The following ARHGEF10 variants were observed in gnomAD, a reference collection of about 807,000 sequenced individuals.
ARHGEF10 encodes the protein Rho guanine nucleotide exchange factor (GEF) 10.
A neutral mutation model predicts 147.4 loss-of-function variants in ARHGEF10; 140 were observed. The ratio of observed to expected loss-of-function variants is 0.95; its 90% CI spans 0.83 to 1.09. The LOEUF is 1.09. ARHGEF10 is among the 50% of genes least tolerant of loss of function. ARHGEF10 has a pLI of 0.00. For missense variants in ARHGEF10, 2,222 were observed against 1,752.7 expected, an observed-to-expected ratio of 1.27 and a Z score of -4.78; for synonymous variants, 902 against 695.8, an observed-to-expected ratio of 1.30 and a Z score of -4.67.
chr8:1,882,802 C>A, intron 10 of ARHGEF10, 53 bp downstream of exon 10: 1 of 1,130,150 alleles, frequency 8.8e-7, no homozygotes, highest in Non-Finnish European at 1.3e-6. Flanking sequence ...GGGGGGGCGG[C>A]CACATCTTGT....
At chr8:1,940,065 G>C (rs768795963) in intron 26 of ARHGEF10, among the ~76,000 whole-genome samples, 6 of 152,258 alleles carry the variant, frequency 3.9e-5, no homozygotes, top group East Asian at 3.9e-4. Context: ...GGTTGCGCTG[G>C]GTTAAAAACT....
intron 2 of ARHGEF10, among the ~76,000 whole-genome samples, chr8:1,845,422 A>G (rs952450635): frequency 6.6e-6 from 1 of 152,174 alleles, no homozygotes; most frequent in Non-Finnish European, 1.5e-5. Context: ...TCCTTCCCAC[A>G]CACATGTAAG....
intron 2 of ARHGEF10, among the ~76,000 whole-genome samples, chr8:1,846,412 G>A (rs982446112): frequency 6.6e-6 from 1 of 152,254 alleles, no homozygotes; most frequent in South Asian, 2.1e-4. Flanking sequence ...TAAGTCAACC[G>A]TCCACTTAAA....
chr8:1,902,166 C>A (rs1194259122), intron 15 of ARHGEF10, among the ~76,000 whole-genome samples: 2 of 152,012 alleles, frequency 1.3e-5, no homozygotes, highest in Non-Finnish European at 2.9e-5. Context: ...CGCCCCGCAA[C>A]AGGCCCCGGT....
intron 18 of ARHGEF10, among the ~76,000 whole-genome samples, chr8:1,911,519 C>T (rs1811352988): frequency 6.6e-6 from 1 of 152,154 alleles, no homozygotes; most frequent in African/African-American, 2.4e-5. Flanking sequence ...AGTCAGAATT[C>T]TCTGGGGCTT....
chr8:1,824,584 C>T (rs1390580479), intron 1 of ARHGEF10, among the ~76,000 whole-genome samples: 2 of 145,922 alleles, frequency 1.4e-5, no homozygotes, highest in African/African-American at 5.1e-5. Context: ...CCCCGCACCC[C>T]GTGTACCCCG....
At chr8:1,932,192 C>A (rs1462992435) in intron 25 of ARHGEF10, among the ~76,000 whole-genome samples, 1 of 152,182 alleles carries the variant, frequency 6.6e-6, no homozygotes, top group Admixed American at 6.5e-5. Flanking sequence ...CTGGAGGTTG[C>A]CGTGTGCCGT....
At chr8:1,916,094 A>G (rs1157695772) in intron 18 of ARHGEF10, among the ~76,000 whole-genome samples, 1 of 152,234 alleles carries the variant, frequency 6.6e-6, no homozygotes, top group African/African-American at 2.4e-5. Flanking sequence ...CTCGTGGAGA[A>G]GACTCCCTCA....
In ARHGEF10 at chr8:1,933,850, C is replaced by G. The variant is rs764159253; in HGVS notation, c.3130C>G (p.Pro1044Ala). 1.2e-6 allele frequency: 2 copies of G among 1,614,188 alleles called. No homozygotes were observed. The highest frequency in any genetic ancestry group is 2.2e-5 in the South Asian group (2 of 91,082). Residue 1044 changes from proline to alanine, a missense_variant, in exon 26 of 29, where the codon CCA becomes GCA. Pro to Ala is a conservative substitution (Grantham distance 27). Transcript: ENST00000349830. ...AAAAGTGATCAAGTTAGGCGTCCTA[C>G]CAGTTAGAAGTCTACTCATGATGGA... The part of the protein sequence containing the change: ...PQKVIKLGVL[P>A]VRSLLMMEDT...
At position 1,894,400 on chromosome 8, in the gene ARHGEF10, A is replaced by G. The variant is rs1439093659; in HGVS notation, c.1268A>G (p.Glu423Gly). The change falls in exon 13 of 29, where the codon GAG becomes GGG. Residue 423 changes from glutamate (E) to glycine (G), a missense_variant. By Grantham distance (98) the Glu-to-Gly change is moderately conservative. Transcript: ENST00000349830. The stretch of plus-strand genomic sequence containing the variant: ...TTGCTCATTTTGTCTTAGCAATATG[A>G]GAAGCCGCTGTCTGAGATGGAGCCA... ...DALKRILEQY[E>G]KPLSEMEPKV... 1 of 1,614,074 alleles carries G rather than the reference A, an allele frequency of 6.2e-7. No individual in the cohort carries two copies. The highest frequency in any genetic ancestry group is 1.7e-5 in the Admixed American group (1 of 60,016).
intron 15 of ARHGEF10, among the ~76,000 whole-genome samples, chr8:1,898,838 G>C (rs535909164): frequency 6.6e-6 from 1 of 152,240 alleles, no homozygotes; most frequent in South Asian, 2.1e-4. Flanking sequence ...CTGGGGGGCC[G>C]CGGGGCTTGG....
At chr8:1,933,293 C>G (rs930069185) in intron 25 of ARHGEF10, among the ~76,000 whole-genome samples, 3 of 152,182 alleles carry the variant, frequency 2.0e-5, no homozygotes, top group Non-Finnish European at 4.4e-5. Context: ...GGAAATGTAA[C>G]ATCTGCCCAG....
At chr8:1,885,539 C>A in intron 10 of ARHGEF10, 62 bp from the exon 11 acceptor site, 1 of 1,171,690 alleles carries the variant, frequency 8.5e-7, no homozygotes, top group Non-Finnish European at 1.3e-6. Context: ...TTTTACTGTA[C>A]TGTAGTGTTG....
At chr8:1,829,471 A>C (rs1447154200) in intron 1 of ARHGEF10, among the ~76,000 whole-genome samples, 1 of 152,192 alleles carries the variant, frequency 6.6e-6, no homozygotes, top group Non-Finnish European at 1.5e-5. Flanking sequence ...TGCAGGAGTG[A>C]TAAGAAAGTC....
At chr8:1,912,090 G>C (rs1811399285) in intron 18 of ARHGEF10, among the ~76,000 whole-genome samples, 1 of 152,192 alleles carries the variant, frequency 6.6e-6, no homozygotes, top group Non-Finnish European at 1.5e-5. Context: ...AGCAACCTCT[G>C]CTTGCAGAGC....
intron 15 of ARHGEF10, among the ~76,000 whole-genome samples, chr8:1,902,313 A>C (rs1157970126): frequency 6.6e-6 from 1 of 152,206 alleles, no homozygotes; most frequent in Non-Finnish European, 1.5e-5. Flanking sequence ...CTGGGAAACA[A>C]AAGGCCCTGC....
chr8:1,878,426 C>T (rs1162955013), intron 8 of ARHGEF10, among the ~76,000 whole-genome samples: 1 of 152,180 alleles, frequency 6.6e-6, no homozygotes, highest in Non-Finnish European at 1.5e-5. Flanking sequence ...ACCTCGTGAT[C>T]TGCCTGCCTC....
In ARHGEF10 at chr8:1,834,848, G is replaced by A. The variant is rs536550168; in HGVS notation, c.-47-8505G>A. ...GGGCCACAGGGGTTTCCTGGCTCCC[G>A]TGGTGCATCAGGGGTGGGATGTCCA... On this transcript the variant is annotated intron_variant, in intron 1 of 28. Transcript: ENST00000349830. Among the ~76,000 whole-genome samples, 9 of 152,356 alleles carry A rather than the reference G, an allele frequency of 5.9e-5. No individual in the cohort carries two copies. The South Asian group carries it at 6.2e-4, about 11-fold the overall frequency.
chr8:1,861,433 G>A (rs191361921), intron 4 of ARHGEF10, among the ~76,000 whole-genome samples: 4 of 152,326 alleles, frequency 2.6e-5, no homozygotes, highest in Admixed American at 2.6e-4. Context: ...CGACCCAGTC[G>A]AGGCGTCTCA....
Sources: gnomAD v4.1 joint callset for allele counts (sites outside exome capture counted in the v4.1 genomes callset) on GRCh38, gnomAD v4.1.1 for gene constraint, MANE v1.5 for transcripts, NCBI Gene and HGNC (gene_info 2026-07-23, HGNC 2026-07-21) for gene names.